Variants in NKAIN3 observed in about 807,000 individuals in gnomAD.
NKAIN3 encodes sodium/potassium-transporting ATPase subunit beta-1-interacting protein 3.
NKAIN3 carries 25 observed loss-of-function variants against 30.2 expected under a neutral mutation model. That is an observed-to-expected ratio of 0.83 (90% CI 0.60 to 1.16). NKAIN3 has a LOEUF of 1.16. Ranked by LOEUF, NKAIN3 falls within the 50% of genes most tolerant of loss-of-function variation. The pLI is 0.00. For missense variants in NKAIN3, 225 were observed against 254.1 expected (o/e 0.89, Z 0.78); for synonymous variants, 91 against 89.6 (o/e 1.02, Z -0.09).
chr8:62,405,527 C>T (rs1416558249), intron 1 of NKAIN3, among the ~76,000 whole-genome samples: 4 of 152,194 alleles, frequency 2.6e-5, no homozygotes, highest in African/African-American at 9.7e-5. Context: ...GTGTTACTTT[C>T]CACTGTGACA....
intron 1 of NKAIN3, among the ~76,000 whole-genome samples, chr8:62,546,543 T>C (rs969636403): frequency 2.0e-5 from 3 of 152,188 alleles, no homozygotes; most frequent in African/African-American, 7.2e-5. Flanking sequence ...GTTATAGCAG[T>C]AATTACTTCT....
intron 1 of NKAIN3, among the ~76,000 whole-genome samples, chr8:62,436,609 T>G (rs536425430): frequency 3.3e-5 from 5 of 152,186 alleles, no homozygotes; most frequent in Non-Finnish European, 1.5e-5. Flanking sequence ...TAAAGTAATA[T>G]GTAAACACAT....
At chr8:62,670,983 T>C (rs1438341849) in intron 3 of NKAIN3, among the ~76,000 whole-genome samples, 3 of 151,488 alleles carry the variant, frequency 2.0e-5, no homozygotes, top group Non-Finnish European at 4.4e-5. Flanking sequence ...ACATTTACAG[T>C]GAACTTGTGT....
At chr8:62,744,772 A>G (rs1278992664) in intron 3 of NKAIN3, among the ~76,000 whole-genome samples, 1 of 152,212 alleles carries the variant, frequency 6.6e-6, no homozygotes, top group Admixed American at 6.5e-5. Context: ...TTTTCCCTTC[A>G]GAGAGTAACT....
At chr8:62,515,234 C>G (rs1471678816) in intron 1 of NKAIN3, among the ~76,000 whole-genome samples, 1 of 152,056 alleles carries the variant, frequency 6.6e-6, no homozygotes, top group Non-Finnish European at 1.5e-5. Context: ...TAAAACTATT[C>G]AAGTTTCTAC....
intron 5 of NKAIN3, among the ~76,000 whole-genome samples, chr8:62,992,208 T>C (rs982681632): frequency 6.6e-6 from 1 of 151,608 alleles, no homozygotes; most frequent in Admixed American, 6.6e-5. Context: ...GACGGGGTTT[T>C]ACCATGTTGG....
chr8:62,912,835 G>A (rs921290205), intron 4 of NKAIN3, among the ~76,000 whole-genome samples: 1 of 152,096 alleles, frequency 6.6e-6, no homozygotes, highest in South Asian at 2.1e-4. Context: ...CCTGAACCCA[G>A]GAGGCAGAGG....
At chr8:62,372,435 T>C (rs974915418) in intron 1 of NKAIN3, among the ~76,000 whole-genome samples, 2 of 151,964 alleles carry the variant, frequency 1.3e-5, no homozygotes, top group African/African-American at 4.8e-5. Context: ...CTTTTCATGT[T>C]TCTGAAAAAA....
rs1256145423 is a variant in NKAIN3 at position 62,975,115 on chromosome 8, A to G, written c.*9708A>G. On this transcript the variant is annotated 3_prime_UTR_variant, in exon 7 of 7. Transcript: ENST00000623646. ...GATGTTCATCAGGGATATTGGCCTG[A>G]AATTTTCATTTTTTGTTGTGTCTCT... Among the ~76,000 whole-genome samples the G allele has an allele frequency of 6.6e-6, 1 of 152,120 alleles. No homozygotes were observed. The highest frequency in any genetic ancestry group is 1.5e-5 in the Non-Finnish European group (1 of 68,002).
At chr8:62,300,960 A>G (rs916913850) in intron 1 of NKAIN3, among the ~76,000 whole-genome samples, 11 of 152,134 alleles carry the variant, frequency 7.2e-5, no homozygotes, top group Non-Finnish European at 1.0e-4. Context: ...AACAAAATAT[A>G]CATTATAATA....
At chr8:62,263,389 C>T (rs1330666309) in intron 1 of NKAIN3, among the ~76,000 whole-genome samples, 2 of 151,984 alleles carry the variant, frequency 1.3e-5, no homozygotes, top group Admixed American at 1.3e-4. Context: ...GATTAAGTGT[C>T]AGCTGTAATG....
chr8:62,578,090 A>G (rs934362584), intron 1 of NKAIN3, among the ~76,000 whole-genome samples: 4 of 152,112 alleles, frequency 2.6e-5, no homozygotes, highest in Non-Finnish European at 5.9e-5. Context: ...TCACTGGATC[A>G]TTTTATTAGA....
chr8:62,430,016 C>T (rs1804944113), intron 1 of NKAIN3, among the ~76,000 whole-genome samples: 1 of 151,710 alleles, frequency 6.6e-6, no homozygotes, highest in Non-Finnish European at 1.5e-5. Flanking sequence ...AACCTTTATC[C>T]CCTGGAAACA....
At chr8:62,945,301 A>C (rs1823090653) in intron 5 of NKAIN3, among the ~76,000 whole-genome samples, 1 of 152,212 alleles carries the variant, frequency 6.6e-6, no homozygotes, top group Non-Finnish European at 1.5e-5. Flanking sequence ...AAAAATACAT[A>C]ATGACCTATC....
chr8:62,740,644 G>GTTT (rs3032914), intron 3 of NKAIN3, among the ~76,000 whole-genome samples: 95 of 151,552 alleles, frequency 6.3e-4, no homozygotes, highest in African/African-American at 1.5e-3. Context: ...AGTGAATATT[G>GTTT]TTTTTTTTAG....
At chr8:62,275,482 A>G (rs986882671) in intron 1 of NKAIN3, among the ~76,000 whole-genome samples, 1 of 152,212 alleles carries the variant, frequency 6.6e-6, no homozygotes, top group Non-Finnish European at 1.5e-5. Context: ...CCCCCACATT[A>G]TGAGCCTATT....
At chr8:62,497,432 A>ATTT (rs5891858) in intron 1 of NKAIN3, among the ~76,000 whole-genome samples, 7 of 149,040 alleles carry the variant, frequency 4.7e-5, no homozygotes, top group African/African-American at 1.7e-4. Context: ...AGTATAACCT[A>ATTT]TTTTTTTTTT....
intron 3 of NKAIN3, among the ~76,000 whole-genome samples, chr8:62,634,157 A>G (rs957489059): frequency 8.6e-5 from 13 of 151,978 alleles, no homozygotes; most frequent in African/African-American, 3.1e-4. Context: ...AAACTTACAA[A>G]TGTCTTATCT....
intron 1 of NKAIN3, among the ~76,000 whole-genome samples, chr8:62,399,684 T>C (rs1817875579): frequency 6.6e-6 from 1 of 152,318 alleles, no homozygotes; most frequent in South Asian, 2.1e-4. Flanking sequence ...CCAGAATGTA[T>C]GAATCTCATT....
Sources: allele counts gnomAD v4.1 joint callset (sites outside exome capture counted in the v4.1 genomes callset), GRCh38; gene constraint gnomAD v4.1.1; transcripts MANE v1.5; gene names NCBI Gene and HGNC (gene_info 2026-07-23, HGNC 2026-07-21).